Variants in A2ML1 observed in about 807,000 individuals in gnomAD.
A2ML1 encodes alpha-2-macroglobulin like 1, also known as alpha-2-macroglobulin-like protein 1.
In A2ML1, 161 loss-of-function variants were observed where a neutral mutation model predicts 181.9. The observed-to-expected ratio is 0.89, with a 90% CI of 0.78 to 1.01. The LOEUF (loss-of-function observed/expected upper bound fraction) is 1.01, where lower values mean the gene tolerates loss of function less well. Ranked by LOEUF, A2ML1 falls within the 50% of genes least tolerant of loss-of-function variation. The pLI, the probability that A2ML1 is intolerant of heterozygous loss-of-function variation, is 0.00. For missense variants in A2ML1, 1,670 were observed against 1,768.1 expected, an observed-to-expected ratio of 0.94 and a Z score of 1.00; for synonymous variants, 663 against 666.8, an observed-to-expected ratio of 0.99 and a Z score of 0.09.
Position 8,847,586 on chromosome 12 carries a change from G to A in A2ML1, c.1721G>A (p.Gly574Glu), listed in dbSNP as rs761720836. 12 of 1,613,182 alleles carry A rather than the reference G, an allele frequency of 7.4e-6. No individual in the cohort carries two copies. The highest frequency in any genetic ancestry group is 9.3e-6 in the Non-Finnish European group (11 of 1,179,698). ...TTCTCCCCCTCCCAGCAGCTTCCAG[G>A]AGCAGAAGTGGAGCTGCAGCTGCAG... is the stretch of plus-strand genomic sequence containing the variant. ...LGFSPSQQLPGAEVELQLQAA... is the reference protein window; with the variant it reads ...LGFSPSQQLPEAEVELQLQAA... The change falls in exon 15 of 36, where the codon GGA becomes GAA. Residue 574 changes from glycine (G) to glutamate (E), a missense_variant. Coordinates refer to ENST00000299698, the MANE Select transcript of A2ML1 (RefSeq NM_144670.6).
At chr12:8,846,452 C>G (rs1456571155) in intron 14 of A2ML1, among the ~76,000 whole-genome samples, 1 of 152,116 alleles carries the variant, frequency 6.6e-6, no homozygotes, top group Non-Finnish European at 1.5e-5. Flanking sequence ...CTCCTGTAAT[C>G]CCAGTGCTTT....
intron 4 of A2ML1, 111 bp downstream of exon 4, chr12:8,829,890 G>A: frequency 2.3e-6 from 3 of 1,316,772 alleles, no homozygotes; most frequent in South Asian, 2.4e-5. Context: ...AGGCCCTCTG[G>A]GTTGGAGACT....
intron 26 of A2ML1, among the ~76,000 whole-genome samples, 170 bp from the exon 27 acceptor site, chr12:8,860,711 G>A (rs1944225798): frequency 6.6e-6 from 1 of 152,160 alleles, no homozygotes; most frequent in African/African-American, 2.4e-5. Flanking sequence ...CTCTTTGTGT[G>A]TCCTGGAGGC....
intron 14 of A2ML1, among the ~76,000 whole-genome samples, chr12:8,847,070 G>T (rs1319267356): frequency 1.3e-5 from 2 of 148,710 alleles, no homozygotes; most frequent in African/African-American, 5.0e-5. Flanking sequence ...GAGTAGCTGG[G>T]ATTACAAGTA....
rs200007710 is a variant in A2ML1 at position 8,823,178 on chromosome 12, A to G, written c.63-4A>G. 2.7e-4 allele frequency: 432 copies of G among 1,612,388 alleles called. No individual in the cohort carries two copies. The highest frequency in any genetic ancestry group is 8.3e-4 in the Middle Eastern group (5 of 6,052). ...GCCCTGAAATCCTTCTGCTCCTTTAATAGAAACTACCTGGTGACATTACCA... is the reference window on the plus strand; with the variant it reads ...GCCCTGAAATCCTTCTGCTCCTTTAGTAGAAACTACCTGGTGACATTACCA... On this transcript the variant is annotated splice_polypyrimidine_tract_variant and splice_region_variant and intron_variant, in intron 1 of 35. Coordinates refer to ENST00000299698, the MANE Select transcript of A2ML1 (RefSeq NM_144670.6).
At position 8,863,401 on chromosome 12, in the gene A2ML1, G is replaced by A. The variant is rs780667927; in HGVS notation, c.3503-393G>A. On this transcript the variant is annotated intron_variant, in intron 28 of 35. Coordinates refer to ENST00000299698, the MANE Select transcript of A2ML1 (RefSeq NM_144670.6). ...ATTACAGGTGTGAGCCACCGCACCC[G>A]GCCTAAATCTTTGATTAAATGAAAT... Among the ~76,000 whole-genome samples, 5 of 152,138 alleles carry A rather than the reference G, an allele frequency of 3.3e-5. No individual in the cohort carries two copies. The South Asian group carries it at 6.2e-4, about 19-fold the overall frequency.
chr12:8,865,855 A>C (rs1944408066), intron 29 of A2ML1, among the ~76,000 whole-genome samples: 1 of 152,158 alleles, frequency 6.6e-6, no homozygotes, highest in Non-Finnish European at 1.5e-5. Context: ...TGTCCAAATC[A>C]CTTTGATGAG....
At chr12:8,869,053 T>C in intron 32 of A2ML1, 82 bp from the exon 33 acceptor site, 2 of 1,380,730 alleles carry the variant, frequency 1.4e-6, no homozygotes, top group Non-Finnish European at 2.1e-6. Flanking sequence ...TATTGTTTCC[T>C]TGATCATGGC....
chr12:8,838,581 G>A lies in A2ML1; in HGVS notation c.970+131G>A, dbSNP rs1354279259. 5 of 612,590 alleles carry A rather than the reference G, an allele frequency of 8.2e-6. No individual in the cohort carries two copies. In the African/African-American group the frequency reaches 9.4e-5, roughly 11 times the overall value. The allele number at this position is 612,590 out of a possible 1,614,324, so 37.9% of individuals were successfully genotyped here. A position where few individuals can be genotyped will look rare whatever the true frequency, so the allele number is the denominator to read the frequency against. On this transcript the variant is annotated intron_variant, in intron 9 of 35. Coordinates refer to ENST00000299698, the MANE Select transcript of A2ML1 (RefSeq NM_144670.6). ...GATGGTACCTTGTTCCTAGTTCATA[G>A]TCAAGGGGAAATACCAGATCCCATC... is the stretch of plus-strand genomic sequence containing the variant.
Position 8,851,933 on chromosome 12 carries a change from C to G in A2ML1, c.2384C>G (p.Thr795Ser). Residue 795 changes from threonine (T) to serine (S), a missense_variant, in exon 19 of 36, where the codon ACT becomes AGT. Thr to Ser is a moderately conservative substitution (Grantham distance 58). Coordinates refer to ENST00000299698, the MANE Select transcript of A2ML1 (RefSeq NM_144670.6). ...TAFKPFFVDL[T>S]LPYSVVRGES... ...TTCAAGCCGTTCTTTGTTGACCTGA[C>G]TCTCCCTTACTCAGTAGTCCGTGGG... The G allele has an allele frequency of 6.2e-7, 1 of 1,614,234 alleles. No homozygotes were observed. The highest frequency in any genetic ancestry group is 8.5e-7 in the Non-Finnish European group (1 of 1,180,032).
rs1254692916 is a variant in A2ML1 at position 8,864,017 on chromosome 12, C to A, written c.3717+9C>A. ...GCTTCTCTTCTACTCAGGTAAACAG[C>A]CTGTTCTCCCACTGCCACTTATCAG... On this transcript the variant is annotated intron_variant, in intron 29 of 35. Coordinates refer to ENST00000299698, the MANE Select transcript of A2ML1 (RefSeq NM_144670.6). The A allele has an allele frequency of 3.1e-6, 5 of 1,607,814 alleles. No homozygotes were observed. In the African/African-American group the frequency reaches 4.0e-5, roughly 13 times the overall value.
chr12:8,833,394 TTTG>T (rs1180847528), intron 4 of A2ML1, among the ~76,000 whole-genome samples: 2 of 152,156 alleles, frequency 1.3e-5, no homozygotes, highest in Non-Finnish European at 2.9e-5. Context: ...CGAAGTGTTT[TTTG>T]TTGTTGTTGT....
chr12:8,824,237 T>G lies in A2ML1; in HGVS notation c.409+355T>G, dbSNP rs530227902. 2.7e-3 allele frequency among the ~76,000 whole-genome samples: 402 copies of G among 148,730 alleles called. 6 individuals carry two copies. The highest frequency in any genetic ancestry group is 0.025 in the South Asian group (116 of 4,632). On this transcript the variant is annotated intron_variant, in intron 3 of 35. Transcript: ENST00000299698. ...AGCTACTGGGGTTTTTTTTTTTTTT[T>G]TTTTTTTTTTTTGTATTTGTTCATT...
intron 3 of A2ML1, among the ~76,000 whole-genome samples, chr12:8,826,946 T>A (rs1010498163): frequency 2.0e-5 from 3 of 152,184 alleles, no homozygotes; most frequent in African/African-American, 7.2e-5. Context: ...TCTTTTTTGT[T>A]TTTTATTCCT....
At chr12:8,829,845 G>A (rs773221092) in intron 4 of A2ML1, 66 bp downstream of exon 4, 2 of 1,600,320 alleles carry the variant, frequency 1.2e-6, no homozygotes, top group African/African-American at 2.7e-5. Flanking sequence ...GATTCTCTAG[G>A]GTGGAAGTCC....
At chr12:8,841,008 A>AC (rs1192333125) in intron 10 of A2ML1, among the ~76,000 whole-genome samples, 2 of 81,704 alleles carry the variant, frequency 2.4e-5, no homozygotes, top group African/African-American at 3.6e-5. Flanking sequence ...GGAAGGAAGG[A>AC]AGGACGGAAG....
intron 3 of A2ML1, among the ~76,000 whole-genome samples, chr12:8,825,143 A>G (rs1041631155): frequency 1.3e-5 from 2 of 151,994 alleles, no homozygotes; most frequent in African/African-American, 4.8e-5. Context: ...TGGAAGCTCT[A>G]TTTTTAGTTT....
intron 31 of A2ML1, 62 bp from the exon 32 acceptor site, chr12:8,868,475 T>TGTGTGTG: frequency 1.3e-6 from 2 of 1,595,430 alleles, no homozygotes; most frequent in Non-Finnish European, 1.7e-6. Context: ...TGTGTGTGTG[T>TGTGTGTG]TGGGGATGCA....
At chr12:8,848,008 C>G (rs996353687) in intron 15 of A2ML1, among the ~76,000 whole-genome samples, 2 of 130,728 alleles carry the variant, frequency 1.5e-5, no homozygotes, top group Admixed American at 1.5e-4. Context: ...AAAAAATTAA[C>G]TGGGCATGGG....
Sources: allele counts gnomAD v4.1 joint callset (sites outside exome capture counted in the v4.1 genomes callset), GRCh38; gene constraint gnomAD v4.1.1; transcripts MANE v1.5; gene names NCBI Gene and HGNC (gene_info 2026-07-23, HGNC 2026-07-21).